The following ARHGAP28 variants were observed in gnomAD, a reference collection of about 807,000 sequenced individuals.
The protein encoded by ARHGAP28 is Rho GTPase activating protein 28, also known as rho GTPase-activating protein 28.
A neutral mutation model predicts 90.7 loss-of-function variants in ARHGAP28; 56 were observed. The ratio of observed to expected loss-of-function variants is 0.62; its 90% CI spans 0.50 to 0.77. The LOEUF (loss-of-function observed/expected upper bound fraction) is 0.77, where lower values mean the gene tolerates loss of function less well. ARHGAP28 is among the 30% of genes least tolerant of loss of function. ARHGAP28 has a pLI of 0.00. For missense variants in ARHGAP28, 869 were observed against 900.9 expected, an observed-to-expected ratio of 0.96 and a Z score of 0.45; for synonymous variants, 308 against 323.3, an observed-to-expected ratio of 0.95 and a Z score of 0.51.
chr18:6,866,485 T>C (rs1441793372), intron 5 of ARHGAP28, among the ~76,000 whole-genome samples: 1 of 152,152 alleles, frequency 6.6e-6, no homozygotes, highest in Non-Finnish European at 1.5e-5. Context: ...ATTCCTTAAG[T>C]TCCAGCTCAA....
chr18:6,852,927 G>A (rs1242552651), intron 4 of ARHGAP28, among the ~76,000 whole-genome samples: 1 of 152,166 alleles, frequency 6.6e-6, no homozygotes, highest in South Asian at 2.1e-4. Flanking sequence ...AGGGTAATGA[G>A]GTGTGATCTG....
At chr18:6,769,138 C>T (rs532383012) in intron 1 of ARHGAP28, among the ~76,000 whole-genome samples, 3 of 151,862 alleles carry the variant, frequency 2.0e-5, no homozygotes, top group Non-Finnish European at 2.9e-5. Flanking sequence ...GAAGAGACTC[C>T]GGGGCCATTG....
intron 1 of ARHGAP28, among the ~76,000 whole-genome samples, chr18:6,760,602 G>A (rs141660783): frequency 1.3e-5 from 2 of 152,284 alleles, no homozygotes; most frequent in East Asian, 3.9e-4. Flanking sequence ...CAGTTCCTTA[G>A]CAAGGTAAAA....
At chr18:6,772,711 T>G (rs2056252880) in intron 1 of ARHGAP28, among the ~76,000 whole-genome samples, 1 of 152,070 alleles carries the variant, frequency 6.6e-6, no homozygotes. Context: ...TATTTTCAAT[T>G]TGTGATGGGT....
intron 1 of ARHGAP28, among the ~76,000 whole-genome samples, chr18:6,787,478 T>G (rs1415880991): frequency 6.6e-6 from 1 of 152,200 alleles, no homozygotes; most frequent in Non-Finnish European, 1.5e-5. Context: ...TGGGGAAAAC[T>G]TCTTTCATGT....
chr18:6,889,977 C>A lies in ARHGAP28; in HGVS notation c.1626C>A (p.Asn542Lys), dbSNP rs2057251676. ...LWNISTVMAP[N>K]LFFSRSKHSD... Reference sequence around the variant, plus strand: ...ACATTTCTACAGTGATGGCACCAAACCTTTTCTTCAGTAGAAGCAAACACT... The same window carrying A: ...ACATTTCTACAGTGATGGCACCAAAACTTTTCTTCAGTAGAAGCAAACACT... The change falls in exon 13 of 18, where the codon AAC becomes AAA. Residue 542 changes from asparagine (N) to lysine (K), a missense_variant. Physicochemically the swap from Asn to Lys is moderately conservative, Grantham distance 94. Transcript: ENST00000383472. 2 of 1,614,194 alleles carry A rather than the reference C, an allele frequency of 1.2e-6. No homozygotes were observed. Among genetic ancestry groups the A allele is most frequent in the African/African-American group, 2.7e-5 (2 of 75,046 alleles).
At chr18:6,756,356 G>A (rs2056109863) in intron 1 of ARHGAP28, among the ~76,000 whole-genome samples, 1 of 151,992 alleles carries the variant, frequency 6.6e-6, no homozygotes, top group Admixed American at 6.6e-5. Context: ...AATTGAATAA[G>A]GAAAGTAACT....
chr18:6,912,866 C>T lies in ARHGAP28; in HGVS notation c.*712C>T, dbSNP rs2057406226. 1 of 152,196 alleles carries T rather than the reference C, an allele frequency of 6.6e-6. No homozygotes were observed. Among genetic ancestry groups the T allele is most frequent in the Non-Finnish European group, 1.5e-5 (1 of 68,042 alleles). The allele number at this position is 152,196 out of a possible 1,614,324, so 9.4% of individuals were successfully genotyped here. A position where few individuals can be genotyped will look rare whatever the true frequency, so the allele number is the denominator to read the frequency against. ...ATGAGCACAGGTCCTCCTAGTGAAG[C>T]TTAGTTTGACAAAGGGTGTCATATG... On this transcript the variant is annotated 3_prime_UTR_variant, in exon 18 of 18. Transcript: ENST00000383472.
At chr18:6,779,576 A>G (rs1486049727) in intron 1 of ARHGAP28, among the ~76,000 whole-genome samples, 1 of 152,208 alleles carries the variant, frequency 6.6e-6, no homozygotes, top group Non-Finnish European at 1.5e-5. Flanking sequence ...TCCAAGGTAC[A>G]GGTATACCCC....
chr18:6,752,292 G>A (rs1028582845), intron 1 of ARHGAP28, among the ~76,000 whole-genome samples: 1 of 152,092 alleles, frequency 6.6e-6, no homozygotes, highest in Non-Finnish European at 1.5e-5. Context: ...CCACTATTGA[G>A]TTCTATAAAC....
chr18:6,763,704 C>T (rs923304751), intron 1 of ARHGAP28, among the ~76,000 whole-genome samples: 6 of 152,186 alleles, frequency 3.9e-5, no homozygotes, highest in African/African-American at 1.4e-4. Flanking sequence ...CAAATATGTG[C>T]TGGGTGCTCC....
At chr18:6,897,767 T>G (rs2057314801) in intron 16 of ARHGAP28, 1 of 152,196 alleles carries the variant, frequency 6.6e-6, no homozygotes, top group African/African-American at 2.4e-5. Flanking sequence ...AGGGATGATT[T>G]GGAAGGGAGA....
chr18:6,876,307 A>G, intron 10 of ARHGAP28, 99 bp downstream of exon 10: 1 of 891,110 alleles, frequency 1.1e-6, no homozygotes, highest in East Asian at 2.5e-5. Flanking sequence ...TGTTTATTAG[A>G]TATTATCACT....
chr18:6,851,470 T>C (rs1298063497), intron 4 of ARHGAP28, among the ~76,000 whole-genome samples: 6 of 152,226 alleles, frequency 3.9e-5, no homozygotes, highest in Admixed American at 3.9e-4. Context: ...AGAACTTTCA[T>C]ATATTGTTGT....
At chr18:6,819,543 G>C (rs1026026585) in intron 1 of ARHGAP28, among the ~76,000 whole-genome samples, 3 of 152,162 alleles carry the variant, frequency 2.0e-5, no homozygotes, top group African/African-American at 7.2e-5. Flanking sequence ...CTACCGGGAT[G>C]AGGAGACACC....
At chr18:6,830,683 C>T (rs2056708628) in intron 2 of ARHGAP28, among the ~76,000 whole-genome samples, 1 of 152,182 alleles carries the variant, frequency 6.6e-6, no homozygotes, top group South Asian at 2.1e-4. Flanking sequence ...ATTCCAGCCT[C>T]ATCTCAATTT....
At chr18:6,784,922 C>A (rs981862788) in intron 1 of ARHGAP28, among the ~76,000 whole-genome samples, 3 of 152,208 alleles carry the variant, frequency 2.0e-5, no homozygotes, top group Non-Finnish European at 4.4e-5. Context: ...AGCTAGCAGT[C>A]CATGGAGTCA....
rs189436630 is a variant in ARHGAP28, at chr18:6,828,098, C to T, written c.325+3134C>T. ...GTTAACGAGACTCCGTCTGCAATCC[C>T]GGCACCTTGGGAGGCCGAGGCTGGC... is the stretch of plus-strand genomic sequence containing the variant. On this transcript the variant is annotated intron_variant, in intron 2 of 17. Transcript: ENST00000383472. Among the ~76,000 whole-genome samples, 50 of 152,306 alleles carry T rather than the reference C, an allele frequency of 3.3e-4. 1 individual carries two copies. The East Asian group carries it at 8.1e-3, about 25-fold the overall frequency.
chr18:6,765,656 A>G (rs1256829409), intron 1 of ARHGAP28, among the ~76,000 whole-genome samples: 1 of 151,900 alleles, frequency 6.6e-6, no homozygotes, highest in African/African-American at 2.4e-5. Flanking sequence ...TTTACTTTTG[A>G]CTTAATTTAA....
Sources: gnomAD v4.1 joint callset for allele counts (sites outside exome capture counted in the v4.1 genomes callset) on GRCh38, gnomAD v4.1.1 for gene constraint, MANE v1.5 for transcripts, NCBI Gene and HGNC (gene_info 2026-07-23, HGNC 2026-07-21) for gene names.